The following SEMA3D variants were observed in gnomAD, a reference collection of about 807,000 sequenced individuals.
SEMA3D encodes semaphorin-3D.
In SEMA3D, 84 loss-of-function variants were observed where a neutral mutation model predicts 100.1. That is an observed-to-expected ratio of 0.84 (90% CI 0.70 to 1.01). The LOEUF is 1.01. Among genes scored for constraint, SEMA3D ranks in the 50% least tolerant of loss-of-function variants. The pLI is 0.00. For synonymous variants in SEMA3D, 312 were observed against 320.7 expected (o/e 0.97, Z 0.29); for missense variants, 875 against 934.1 (o/e 0.94, Z 0.82).
chr7:85,055,818 T>C lies in SEMA3D; in HGVS notation c.760A>G (p.Asn254Asp), dbSNP rs1562799411. Reference protein sequence around the residue: ...IGTFFIPDTYNPDDDKIYFFF... With the variant: ...IGTFFIPDTYDPDDDKIYFFF... ...AAATATATTTTATCATCATCTGGAT[T>C]GTAGGTGTCTGGTATGAAGAAAGTT... is the stretch of plus-strand genomic sequence containing the variant. Residue 254 changes from asparagine to aspartate, a missense_variant, in exon 9 of 19, where the codon AAT becomes GAT. Physicochemically the swap from Asn to Asp is conservative, Grantham distance 23 (BLOSUM62 1). Transcript: ENST00000284136. 3 of 1,577,712 alleles carry C rather than the reference T, an allele frequency of 1.9e-6. No homozygotes were observed. The highest frequency in any genetic ancestry group is 1.7e-6 in the Non-Finnish European group (2 of 1,152,358).
chr7:85,080,938 A>T (rs1788040416), intron 5 of SEMA3D, among the ~76,000 whole-genome samples: 1 of 152,200 alleles, frequency 6.6e-6, no homozygotes, highest in African/African-American at 2.4e-5. Flanking sequence ...TTTATGAGTT[A>T]TTTTATATAA....
chr7:85,129,963 A>G (rs1441158586), intron 2 of SEMA3D, among the ~76,000 whole-genome samples: 2 of 152,130 alleles, frequency 1.3e-5, no homozygotes, highest in Non-Finnish European at 2.9e-5. Flanking sequence ...AATGAATCCT[A>G]TATAGCCTAA....
chr7:85,144,054 T>C (rs1019624388), intron 2 of SEMA3D, among the ~76,000 whole-genome samples: 1 of 152,014 alleles, frequency 6.6e-6, no homozygotes, highest in Non-Finnish European at 1.5e-5. Flanking sequence ...TATATGAAAG[T>C]AAAAAGTAAC....
At chr7:85,189,202 A>G (rs1168866207), upstream of SEMA3D, among the ~76,000 whole-genome samples, 1 of 152,140 alleles carries the variant, frequency 6.6e-6, no homozygotes, top group African/African-American at 2.4e-5. Flanking sequence ...ATGGCTCCGT[A>G]ATCTTCAGGC....
chr7:85,213,963 CAT>C, the SEMA3D span, among the ~76,000 whole-genome samples: 243 of 152,216 alleles, frequency 1.6e-3, 1 homozygote, highest in African/African-American at 5.6e-3. Flanking sequence ...TCATTGAAAA[CAT>C]GTGCATCTAT....
chr7:85,016,302 T>C (rs902283890), intron 15 of SEMA3D, among the ~76,000 whole-genome samples: 4 of 151,594 alleles, frequency 2.6e-5, no homozygotes, highest in Non-Finnish European at 4.4e-5. Context: ...TTTGCTTTAT[T>C]TATTTACCTT....
Position 85,068,671 on chromosome 7 carries a change from T to C in SEMA3D, c.496-387A>G, listed in dbSNP as rs892452012. Among the ~76,000 whole-genome samples the C allele has an allele frequency of 4.6e-5, 7 of 152,308 alleles. No individual in the cohort carries two copies. The East Asian group carries it at 1.3e-3, about 29-fold the overall frequency. On this transcript the variant is annotated intron_variant, in intron 6 of 18. Coordinates refer to ENST00000284136, the MANE Select transcript of SEMA3D (RefSeq NM_001384900.1). Reference sequence around the variant, plus strand: ...CATCTTTTAAGAAATAGATTTGCTATAATAATCATACTTTCAGGATAATGA... The same window carrying C: ...CATCTTTTAAGAAATAGATTTGCTACAATAATCATACTTTCAGGATAATGA...
intron 12 of SEMA3D, chr7:85,028,475 G>T: frequency 2.7e-6 from 1 of 366,100 alleles, no homozygotes; most frequent in South Asian, 3.0e-5. Context: ...TATGGAGGAT[G>T]GAATCTCTGA....
intron 3 of SEMA3D, among the ~76,000 whole-genome samples, chr7:85,113,463 A>G (rs1789151106): frequency 6.6e-6 from 1 of 151,902 alleles, no homozygotes; most frequent in African/African-American, 2.4e-5. Context: ...ATTGTTGTTT[A>G]AGAAATACTT....
At chr7:85,057,361 G>A (rs1296971451) in intron 8 of SEMA3D, among the ~76,000 whole-genome samples, 1 of 152,158 alleles carries the variant, frequency 6.6e-6, no homozygotes, top group Non-Finnish European at 1.5e-5. Context: ...ATTGAGAAAT[G>A]AAGGAAAGAC....
chr7:85,032,200 G>T (rs1325769482), intron 12 of SEMA3D, among the ~76,000 whole-genome samples: 1 of 151,892 alleles, frequency 6.6e-6, no homozygotes, highest in African/African-American at 2.4e-5. Flanking sequence ...TACAGGCATA[G>T]TTTATCTGAT....
chr7:85,085,647 C>A (rs539471670), intron 4 of SEMA3D, among the ~76,000 whole-genome samples: 3 of 152,196 alleles, frequency 2.0e-5, no homozygotes, highest in Non-Finnish European at 2.9e-5. Flanking sequence ...AGAGAGTACA[C>A]GGGATGAAAT....
intron 5 of SEMA3D, among the ~76,000 whole-genome samples, chr7:85,080,095 A>T (rs1189365305): frequency 6.6e-6 from 1 of 152,200 alleles, no homozygotes; most frequent in Non-Finnish European, 1.5e-5. Flanking sequence ...ATATGCCTGA[A>T]AGGATGACAT....
At chr7:85,231,734 G>A in the SEMA3D span, among the ~76,000 whole-genome samples, 3 of 152,152 alleles carry the variant, frequency 2.0e-5, no homozygotes, top group African/African-American at 7.2e-5. Context: ...ATAGGCGTGA[G>A]CCACTGCGCC....
At chr7:85,020,013 C>G (rs936913998) in intron 14 of SEMA3D, among the ~76,000 whole-genome samples, 1 of 151,590 alleles carries the variant, frequency 6.6e-6, no homozygotes, top group Non-Finnish European at 1.5e-5. Flanking sequence ...GAGAGGCAAT[C>G]CCGGGAGCCC....
chr7:85,082,041 A>G (rs1191847072), intron 4 of SEMA3D, among the ~76,000 whole-genome samples: 1 of 152,234 alleles, frequency 6.6e-6, no homozygotes, highest in Non-Finnish European at 1.5e-5. Context: ...TTTGTTGACA[A>G]TATTTAACAT....
At position 85,037,173 on chromosome 7, in the gene SEMA3D, C is replaced by T. The variant is rs10228375; in HGVS notation, c.1047-140G>A. On this transcript the variant is annotated intron_variant, in intron 11 of 18. Coordinates refer to ENST00000284136, the MANE Select transcript of SEMA3D (RefSeq NM_001384900.1). The stretch of plus-strand genomic sequence containing the variant: ...GATGGGTACTGTAGACACAATGTGC[C>T]TACGTCCTCAAGTGGCTTACAGCCA... 6,253 of 679,800 alleles carry T rather than the reference C, an allele frequency of 9.2e-3. 307 individuals are homozygous for T. In the African/African-American group the frequency reaches 0.1, roughly 11 times the overall value. 42.1% of individuals were successfully genotyped at this position (679,800 alleles called of 1,614,324 possible). A position where few individuals can be genotyped will look rare whatever the true frequency, so the allele number is the denominator to read the frequency against.
At chr7:85,215,516 A>G in the SEMA3D span, among the ~76,000 whole-genome samples, 46 of 152,182 alleles carry the variant, frequency 3.0e-4, no homozygotes, top group African/African-American at 1.1e-3. Context: ...AGAGCAAGAG[A>G]CGGAGAACTG....
intron 1 of SEMA3D, among the ~76,000 whole-genome samples, chr7:85,163,998 A>G (rs1790821057): frequency 6.6e-6 from 1 of 152,100 alleles, no homozygotes; most frequent in African/African-American, 2.4e-5. Flanking sequence ...ATCTTTTTTG[A>G]ATGTTTACTA....
Sources: gnomAD v4.1 joint callset for allele counts (sites outside exome capture counted in the v4.1 genomes callset) on GRCh38, gnomAD v4.1.1 for gene constraint, MANE v1.5 for transcripts, NCBI Gene and HGNC (gene_info 2026-07-23, HGNC 2026-07-21) for gene names.